The following LSM4 variants were observed in gnomAD, a reference collection of about 807,000 sequenced individuals.
LSM4 encodes the protein U6 snRNA-associated Sm-like protein LSm4.
In LSM4, 15 loss-of-function variants were observed where a neutral mutation model predicts 22.3. The observed-to-expected ratio is 0.67, with a 90% CI of 0.45 to 1.03. The LOEUF is 1.03. LSM4 is among the 50% of genes least tolerant of loss of function. The pLI, the probability that LSM4 is intolerant of heterozygous loss-of-function variation, is 0.00. For missense variants in LSM4, 127 were observed against 198.0 expected (o/e 0.64, Z 2.15); for synonymous variants, 90 against 79.8 (o/e 1.13, Z -0.68).
chr19:18,322,918 T>C, intron 1 of LSM4, 100 bp downstream of exon 1: 7 of 1,522,058 alleles, frequency 4.6e-6, no homozygotes, highest in Non-Finnish European at 6.2e-6. Flanking sequence ...GGACCTTACG[T>C]TCGCCCCGCG....
At chr19:18,309,977 C>T in intron 3 of LSM4, 116 bp from the exon 4 acceptor site, 1 of 963,466 alleles carries the variant, frequency 1.0e-6, no homozygotes, top group Non-Finnish European at 1.6e-6. Context: ...CCCCTGCAAG[C>T]TGCACAGTAT....
chr19:18,314,048 A>T (rs1970325611), intron 2 of LSM4, among the ~76,000 whole-genome samples: 1 of 152,042 alleles, frequency 6.6e-6, no homozygotes, highest in Admixed American at 6.6e-5. Context: ...TCCTGACCTC[A>T]GGTGATCCAC....
In LSM4 at chr19:18,323,041, T is replaced by A; in HGVS notation, c.-21A>T. The A allele has an allele frequency of 6.5e-7, 1 of 1,539,594 alleles. No homozygotes were observed. Reference sequence around the variant, plus strand: ...ACCATGGTGCCGGCGGGGACCGGGCTCGCCGGCCACTTCCGCCGCCGCCGC... The same window carrying A: ...ACCATGGTGCCGGCGGGGACCGGGCACGCCGGCCACTTCCGCCGCCGCCGC... On this transcript the variant is annotated 5_prime_UTR_variant, in exon 1 of 5. Transcript: ENST00000593829.
chr19:18,310,697 C>T (rs1301971009), intron 3 of LSM4, among the ~76,000 whole-genome samples: 1 of 152,134 alleles, frequency 6.6e-6, no homozygotes, highest in Non-Finnish European at 1.5e-5. Context: ...GGCCTTTGCC[C>T]CCGATGCCCT....
chr19:18,314,806 T>TA, intron 2 of LSM4, among the ~76,000 whole-genome samples: 1 of 152,220 alleles, frequency 6.6e-6, no homozygotes, highest in South Asian at 2.1e-4. Flanking sequence ...CCGGCCTAGA[T>TA]AAAGGTGGTG....
At chr19:18,310,991 T>C (rs1382029667) in intron 3 of LSM4, among the ~76,000 whole-genome samples, 1 of 152,210 alleles carries the variant, frequency 6.6e-6, no homozygotes, top group African/African-American at 2.4e-5. Flanking sequence ...CAAGTCCTCC[T>C]GTCAGACACT....
chr19:18,313,516 TA>T (rs1455863264), intron 2 of LSM4, among the ~76,000 whole-genome samples: 2 of 152,322 alleles, frequency 1.3e-5, no homozygotes, highest in African/African-American at 4.8e-5. Flanking sequence ...AAAAGACTGA[TA>T]TTTTTTGGTG....
At chr19:18,310,295 C>T (rs1363845905) in intron 3 of LSM4, 1 of 201,594 alleles carries the variant, frequency 5.0e-6, no homozygotes. Context: ...TCCTCCTGCC[C>T]CAGCCCCACC....
chr19:18,309,080 A>G (rs1448447945), intron 4 of LSM4, among the ~76,000 whole-genome samples: 1 of 148,308 alleles, frequency 6.7e-6, no homozygotes, highest in Non-Finnish European at 1.5e-5. Context: ...CCTCGGGCTC[A>G]CTCCTGACCA....
chr19:18,309,761 T>TC lies in LSM4; in HGVS notation c.244dup (p.Glu82GlyfsTer107). ...GCGGCCGCGGCCCTTGGCCACCACCTCCTCCTTGACCATGTCGATGATCTC... is the reference window on the plus strand; with the variant it reads ...GCGGCCGCGGCCCTTGGCCACCACCTCCCTCCTTGACCATGTCGATGATCTC... On this transcript the variant is annotated frameshift_variant, in exon 4 of 5. Coordinates refer to ENST00000593829, the MANE Select transcript of LSM4 (RefSeq NM_012321.5). LOFTEE classifies it high-confidence loss of function. 1 of 1,613,618 alleles carries TC rather than the reference T, an allele frequency of 6.2e-7. No individual in the cohort carries two copies.
chr19:18,321,691 C>A (rs564543515), intron 1 of LSM4, among the ~76,000 whole-genome samples: 1 of 152,156 alleles, frequency 6.6e-6, no homozygotes. Context: ...GGGATAACAT[C>A]ACTATTATAA....
At position 18,307,069 on chromosome 19, in the gene LSM4, T is replaced by C; in HGVS notation, c.*395A>G. On this transcript the variant is annotated 3_prime_UTR_variant, in exon 5 of 5. Coordinates refer to ENST00000593829, the MANE Select transcript of LSM4 (RefSeq NM_012321.5). ...GCGCCCAAGGAAACCCTGCAGGCTGTCAGTCCCAGCATGAACAGCTTAAAA... is the reference window on the plus strand; with the variant it reads ...GCGCCCAAGGAAACCCTGCAGGCTGCCAGTCCCAGCATGAACAGCTTAAAA... 5.7e-6 allele frequency: 1 copy of C among 176,180 alleles called. No homozygotes were observed. Among genetic ancestry groups the C allele is most frequent in the Non-Finnish European group, 1.2e-5 (1 of 84,502 alleles). 10.9% of individuals were successfully genotyped at this position (176,180 alleles called of 1,614,324 possible).
chr19:18,310,836 TC>T (rs772078557), intron 3 of LSM4, among the ~76,000 whole-genome samples: 15 of 152,136 alleles, frequency 9.9e-5, no homozygotes, highest in Non-Finnish European at 2.1e-4. Flanking sequence ...GGCGGTCCTC[TC>T]CCAGCCCGAC....
chr19:18,323,032 G>A lies in LSM4; in HGVS notation c.-12C>T, dbSNP rs1441844791. On this transcript the variant is annotated 5_prime_UTR_variant, in exon 1 of 5. Transcript: ENST00000593829. ...CCTGCCCTCACCATGGTGCCGGCGG[G>A]GACCGGGCTCGCCGGCCACTTCCGC... 2.6e-6 allele frequency: 4 copies of A among 1,553,288 alleles called. No individual in the cohort carries two copies. The highest frequency in any genetic ancestry group is 2.3e-5 in the South Asian group (2 of 85,446).
intron 1 of LSM4, among the ~76,000 whole-genome samples, chr19:18,317,571 TCTC>T (rs1174874454): frequency 1.3e-5 from 2 of 151,944 alleles, no homozygotes; most frequent in African/African-American, 4.8e-5. Context: ...ATGGTCTCGA[TCTC>T]CTGACCCCGT....
chr19:18,320,020 G>A (rs1393715112), intron 1 of LSM4, among the ~76,000 whole-genome samples: 3 of 152,138 alleles, frequency 2.0e-5, no homozygotes, highest in East Asian at 1.9e-4. Context: ...CAGAACACTC[G>A]CCCCACCCCA....
At chr19:18,310,206 G>A (rs1347154957) in intron 3 of LSM4, 2 of 314,084 alleles carry the variant, frequency 6.4e-6, no homozygotes, top group Non-Finnish European at 1.2e-5. Context: ...TCTGGTTGGG[G>A]TTCTTCACCT....
Position 18,309,827 on chromosome 19 carries a change from T to C in LSM4, c.179A>G (p.Tyr60Cys), listed in dbSNP as rs921443722. 1.2e-6 allele frequency: 2 copies of C among 1,613,710 alleles called. No individual in the cohort carries two copies. The highest frequency in any genetic ancestry group is 3.3e-5 in the Admixed American group (2 of 59,960). ...GTACTTGATGGTGCTGCCGCGGATG[T>C]AGCACTCGGGCATCCGCCAGAACTT... ...GDKFWRMPEC[Y>C]IRGSTIKYLR... is the part of the protein sequence containing the mutation. The change falls in exon 4 of 5, where the codon TAC becomes TGC. Residue 60 changes from tyrosine to cysteine, a missense_variant. Physicochemically the swap from Tyr to Cys is radical, Grantham distance 194 (BLOSUM62 -2). Transcript: ENST00000593829.
At chr19:18,308,383 C>A (rs1208775944) in intron 4 of LSM4, among the ~76,000 whole-genome samples, 1 of 152,218 alleles carries the variant, frequency 6.6e-6, no homozygotes, top group African/African-American at 2.4e-5. Flanking sequence ...CCCTTGGGGA[C>A]CCCAGCTCTG....
Sources: gnomAD v4.1 joint callset for allele counts (sites outside exome capture counted in the v4.1 genomes callset) on GRCh38, gnomAD v4.1.1 for gene constraint, MANE v1.5 for transcripts, NCBI Gene and HGNC (gene_info 2026-07-23, HGNC 2026-07-21) for gene names.